The following NHS variants were observed in gnomAD, a reference collection of about 807,000 sequenced individuals.
NHS encodes actin remodeling regulator NHS.
A neutral mutation model predicts 72.5 loss-of-function variants in NHS; 5 were observed. The observed-to-expected ratio is 0.07, with a 90% CI of 0.04 to 0.14. NHS has a LOEUF of 0.14. Ranked by LOEUF, NHS falls within the 10% of genes least tolerant of loss-of-function variation. The probability of loss-of-function intolerance (pLI) is 1.00; values close to 1 mark genes in which losing one functional copy is unlikely to be tolerated. For missense variants in NHS, 1,072 were observed against 1,355.7 expected (o/e 0.79, Z 3.29); for synonymous variants, 464 against 547.7 (o/e 0.85, Z 2.13).
intron 1 of NHS, among the ~76,000 whole-genome samples, chrX:17,604,319 G>T (rs2065668226): frequency 9.1e-6 from 1 of 109,996 alleles, no homozygotes; most frequent in South Asian, 3.9e-4. Context: ...AAAATAAAAT[G>T]GGTTTCTTTA....
chrX:17,527,657 T>C (rs182159046), intron 1 of NHS, among the ~76,000 whole-genome samples: 40 of 112,412 alleles, frequency 3.6e-4, no homozygotes, highest in Non-Finnish European at 6.2e-4. Context: ...AGTGCTCCCT[T>C]TTGCTTTAAT....
At chrX:17,418,608 A>T (rs1034078921) in intron 1 of NHS, among the ~76,000 whole-genome samples, 17 of 111,698 alleles carry the variant, frequency 1.5e-4, no homozygotes, top group African/African-American at 5.2e-4. Flanking sequence ...GAAAAGATAA[A>T]TCTCTATTAT....
chrX:17,675,027 T>G (rs2066071806), intron 1 of NHS, among the ~76,000 whole-genome samples: 1 of 112,497 alleles, frequency 8.9e-6, no homozygotes, highest in African/African-American at 3.2e-5. Context: ...TTTTAGTTAT[T>G]TATTAACTAG....
chrX:17,488,183 G>A (rs767300600), intron 1 of NHS, among the ~76,000 whole-genome samples: 1 of 111,382 alleles, frequency 9.0e-6, no homozygotes, highest in East Asian at 2.8e-4. Flanking sequence ...AGCCAGAAAG[G>A]ACAAGCAGAG....
At chrX:17,632,627 C>T (rs950632132) in intron 1 of NHS, among the ~76,000 whole-genome samples, 2 of 110,765 alleles carry the variant, frequency 1.8e-5, no homozygotes, top group Non-Finnish European at 3.8e-5. Flanking sequence ...ACGAAGACCC[C>T]GGCTAGCTTA....
intron 1 of NHS, among the ~76,000 whole-genome samples, chrX:17,655,797 G>A (rs1204745695): frequency 4.4e-5 from 5 of 112,967 alleles, no homozygotes; most frequent in Non-Finnish European, 9.4e-5. Context: ...GTCTCAGCCT[G>A]CAGCATTGAA....
intron 1 of NHS, among the ~76,000 whole-genome samples, chrX:17,553,505 A>T (rs2065347863): frequency 8.9e-6 from 1 of 112,669 alleles, no homozygotes; most frequent in African/African-American, 3.2e-5. Flanking sequence ...GAAAATAGAA[A>T]AGAAATGCCC....
intron 1 of NHS, among the ~76,000 whole-genome samples, chrX:17,628,510 T>C (rs1303623908): frequency 8.8e-6 from 1 of 113,013 alleles, no homozygotes; most frequent in African/African-American, 3.2e-5. Flanking sequence ...CACACAACTC[T>C]GTCTACACAT....
At chrX:17,556,357 C>A (rs1306073539) in intron 1 of NHS, among the ~76,000 whole-genome samples, 1 of 112,932 alleles carries the variant, frequency 8.9e-6, no homozygotes, top group East Asian at 2.8e-4. Flanking sequence ...CAAGCTGGAG[C>A]AAGAAGCGAA....
At chrX:17,438,047 T>A in intron 1 of NHS, among the ~76,000 whole-genome samples, 1 of 112,534 alleles carries the variant, frequency 8.9e-6, no homozygotes, top group African/African-American at 3.2e-5. Context: ...AAAGATGTAG[T>A]GACACGTGGA....
At chrX:17,723,709 T>C (rs2066418752) in intron 5 of NHS, among the ~76,000 whole-genome samples, 1 of 98,701 alleles carries the variant, frequency 1.0e-5, no homozygotes, top group Admixed American at 1.2e-4. Context: ...ACTGTTGAGT[T>C]TCCTCACAGC....
At chrX:17,518,528 T>C (rs2065131931) in intron 1 of NHS, among the ~76,000 whole-genome samples, 1 of 111,605 alleles carries the variant, frequency 9.0e-6, no homozygotes, top group Admixed American at 9.5e-5. Context: ...GCAAGAGCCC[T>C]TGGGACATAC....
At chrX:17,466,916 T>C (rs2064873124) in intron 1 of NHS, among the ~76,000 whole-genome samples, 1 of 112,116 alleles carries the variant, frequency 8.9e-6, no homozygotes, top group Admixed American at 9.5e-5. Context: ...AAAACAGTCA[T>C]GCATAAGCTC....
At chrX:17,708,790 T>C (rs1021497636) in intron 3 of NHS, among the ~76,000 whole-genome samples, 1 of 110,885 alleles carries the variant, frequency 9.0e-6, no homozygotes, top group African/African-American at 3.3e-5. Flanking sequence ...CTTTGGCTGG[T>C]AAGAAAAGGG....
chrX:17,448,325 A>G (rs189904236), intron 1 of NHS, among the ~76,000 whole-genome samples: 1 of 112,179 alleles, frequency 8.9e-6, no homozygotes, highest in East Asian at 2.8e-4. Context: ...TAGCTTGGAG[A>G]TCTGGGACAT....
At chrX:17,448,975 A>G (rs772349124) in intron 1 of NHS, among the ~76,000 whole-genome samples, 3 of 112,798 alleles carry the variant, frequency 2.7e-5, no homozygotes, top group Non-Finnish European at 5.6e-5. Context: ...AATGCCTACA[A>G]TATCTATGGC....
intron 1 of NHS, among the ~76,000 whole-genome samples, chrX:17,407,990 C>T (rs758566452): frequency 1.8e-5 from 2 of 111,265 alleles, no homozygotes; most frequent in African/African-American, 3.3e-5. Context: ...CTGCTCATAA[C>T]GTAACAGTAT....
intron 3 of NHS, among the ~76,000 whole-genome samples, chrX:17,710,965 C>T (rs779532832): frequency 8.9e-6 from 1 of 112,099 alleles, no homozygotes; most frequent in South Asian, 3.7e-4. Context: ...TACCACACGC[C>T]TCTGACTTCC....
At chrX:17,475,575 A>C (rs919225669) in intron 1 of NHS, among the ~76,000 whole-genome samples, 1 of 111,573 alleles carries the variant, frequency 9.0e-6, no homozygotes, top group Non-Finnish European at 1.9e-5. Flanking sequence ...CTTCTTCCCA[A>C]GCATCTCCCC....
Sources: allele counts gnomAD v4.1 joint callset (sites outside exome capture counted in the v4.1 genomes callset), GRCh38; gene constraint gnomAD v4.1.1; transcripts MANE v1.5; gene names NCBI Gene and HGNC (gene_info 2026-07-23, HGNC 2026-07-21).